The following USP13 variants were observed in gnomAD, a reference collection of about 807,000 sequenced individuals.
The protein encoded by USP13 is ubiquitin carboxyl-terminal hydrolase 13.
In USP13, 68 loss-of-function variants were observed where a neutral mutation model predicts 107.8. The observed-to-expected ratio is 0.63, with a 90% CI of 0.52 to 0.77. The LOEUF (loss-of-function observed/expected upper bound fraction) is 0.77. Among genes scored for constraint, USP13 ranks in the 30% least tolerant of loss-of-function variants. The pLI is 0.00. For synonymous variants in USP13, 377 were observed against 389.5 expected, an observed-to-expected ratio of 0.97 and a Z score of 0.38; for missense variants, 945 against 1,093.3, an observed-to-expected ratio of 0.86 and a Z score of 1.91.
intron 14 of USP13, 120 bp downstream of exon 14, chr3:179,752,493 C>T: frequency 3.9e-6 from 3 of 773,418 alleles, no homozygotes; most frequent in South Asian, 1.6e-5. Context: ...CCATCATTCT[C>T]ACCTTTCTGT....
chr3:179,711,249 C>T (rs1576943807), intron 6 of USP13, among the ~76,000 whole-genome samples: 1 of 152,206 alleles, frequency 6.6e-6, no homozygotes, highest in Middle Eastern at 3.4e-3. Context: ...GACAGAGTCT[C>T]ACTCTGTCAC....
At chr3:179,720,073 G>A in intron 7 of USP13, 39 bp downstream of exon 7, 1 of 1,528,972 alleles carries the variant, frequency 6.5e-7, no homozygotes, top group Non-Finnish European at 9.0e-7. Flanking sequence ...TCTTGCATGG[G>A]GTAGGGGTGG....
intron 20 of USP13, among the ~76,000 whole-genome samples, chr3:179,783,324 C>T (rs1715811869): frequency 6.6e-6 from 1 of 152,060 alleles, no homozygotes; most frequent in Non-Finnish European, 1.5e-5. Context: ...ATATATATGT[C>T]TATATGCACA....
At chr3:179,732,545 GAA>G (rs1256543709) in intron 10 of USP13, among the ~76,000 whole-genome samples, 1 of 152,154 alleles carries the variant, frequency 6.6e-6, no homozygotes, top group Non-Finnish European at 1.5e-5. Flanking sequence ...TCAAGTGGCA[GAA>G]TTGATCTAGG....
chr3:179,667,338 C>T (rs576026602), intron 1 of USP13, among the ~76,000 whole-genome samples: 17 of 152,242 alleles, frequency 1.1e-4, no homozygotes, highest in African/African-American at 3.1e-4. Context: ...ATGGGTTAGC[C>T]TGGAAATTCA....
intron 3 of USP13, among the ~76,000 whole-genome samples, chr3:179,699,166 G>A (rs954129656): frequency 6.6e-6 from 1 of 151,976 alleles, no homozygotes; most frequent in African/African-American, 2.4e-5. Flanking sequence ...ATGCCTGGCC[G>A]GGTTGAATAC....
In USP13 at chr3:179,786,554, G is replaced by A. The variant is rs1257254333; in HGVS notation, c.*2413G>A. The A allele has an allele frequency of 2.0e-5, 3 of 153,230 alleles. No homozygotes were observed. Among genetic ancestry groups the A allele is most frequent in the Non-Finnish European group, 4.4e-5 (3 of 68,724 alleles). The allele number at this position is 153,230 out of a possible 1,614,324, so 9.5% of individuals were successfully genotyped here. On this transcript the variant is annotated 3_prime_UTR_variant, in exon 21 of 21. Transcript: ENST00000263966. Reference sequence around the variant, plus strand: ...CAAAGGGCTATTTCTACAAGGCAAAGTTTTGTATATGTGCTATTCTTTACT... The same window carrying A: ...CAAAGGGCTATTTCTACAAGGCAAAATTTTGTATATGTGCTATTCTTTACT...
intron 8 of USP13, among the ~76,000 whole-genome samples, chr3:179,727,602 A>G (rs1192714533): frequency 9.3e-6 from 1 of 107,036 alleles, no homozygotes; most frequent in African/African-American, 3.2e-5. Flanking sequence ...CGATTTCTCA[A>G]TCTTTTCCCC....
intron 4 of USP13, 78 bp downstream of exon 4, chr3:179,701,207 G>A (rs1306073949): frequency 1.4e-6 from 2 of 1,424,418 alleles, no homozygotes. Context: ...ATGTGTGTGT[G>A]CGGGGGTGGG....
At chr3:179,756,185 G>A (rs949967111) in intron 15 of USP13, among the ~76,000 whole-genome samples, 1 of 152,182 alleles carries the variant, frequency 6.6e-6, no homozygotes, top group African/African-American at 2.4e-5. Context: ...AGCACTTGGG[G>A]AGGCCAAGGC....
intron 3 of USP13, among the ~76,000 whole-genome samples, chr3:179,693,751 G>T (rs1213106249): frequency 2.6e-5 from 4 of 152,076 alleles, no homozygotes; most frequent in Admixed American, 6.5e-5. Context: ...TCGGCTCACT[G>T]CAATATCCGC....
chr3:179,784,215 A>G lies in USP13; in HGVS notation c.*74A>G. 1.6e-6 allele frequency: 2 copies of G among 1,215,316 alleles called. No individual in the cohort carries two copies. The highest frequency in any genetic ancestry group is 2.1e-4 in the Middle Eastern group (1 of 4,828). 75.3% of individuals were successfully genotyped at this position (1,215,316 alleles called of 1,614,324 possible). A position where few individuals can be genotyped will look rare whatever the true frequency, so the allele number is the denominator to read the frequency against. On this transcript the variant is annotated 3_prime_UTR_variant, in exon 21 of 21. Transcript: ENST00000263966. ...TGCCAAAAAAAAAAAGAAGAAGAAG[A>G]AGTTGAAACAACTAGACATGAAGGA...
intron 19 of USP13, among the ~76,000 whole-genome samples, chr3:179,773,707 C>T (rs2108547504): frequency 6.6e-6 from 1 of 152,212 alleles, no homozygotes; most frequent in South Asian, 2.1e-4. Flanking sequence ...TATTTAAAGA[C>T]AATTTCAAAA....
At chr3:179,722,319 G>C (rs35593662) in intron 8 of USP13, among the ~76,000 whole-genome samples, 58,971 of 151,988 alleles carry the variant, frequency 0.39, 13,940 homozygotes, top group Non-Finnish European at 0.51. Flanking sequence ...GCTACTTACA[G>C]TGTGGTTCAT....
intron 3 of USP13, among the ~76,000 whole-genome samples, chr3:179,692,125 A>G (rs1443621796): frequency 6.6e-6 from 1 of 152,202 alleles, no homozygotes; most frequent in Non-Finnish European, 1.5e-5. Context: ...ACATGTGTAC[A>G]TATATAACTG....
Position 179,653,698 on chromosome 3 carries a change from G to A in USP13, c.168+305G>A, listed in dbSNP as rs561970547. Reference sequence around the variant, plus strand: ...ATGAAATACAAGAGTTCCCTGTTCCGAACTGCACGTTGCAGATCGTTTGCG... The same window carrying A: ...ATGAAATACAAGAGTTCCCTGTTCCAAACTGCACGTTGCAGATCGTTTGCG... On this transcript the variant is annotated intron_variant, in intron 1 of 20. Coordinates refer to ENST00000263966, the MANE Select transcript of USP13 (RefSeq NM_003940.3). The surrounding 1 kb of genome is among the most constrained non-coding windows in gnomAD (Gnocchi z 4.0). 7 of 324,214 alleles carry A rather than the reference G, an allele frequency of 2.2e-5. No individual in the cohort carries two copies. The highest frequency in any genetic ancestry group is 4.4e-5 in the African/African-American group (2 of 45,756). 20.1% of individuals were successfully genotyped at this position (324,214 alleles called of 1,614,324 possible).
rs368347151 is a variant in USP13 at position 179,720,033 on chromosome 3, G to C, written c.899G>C (p.Gly300Ala). The C allele has an allele frequency of 5.0e-6, 8 of 1,613,038 alleles. No homozygotes were observed. The highest frequency in any genetic ancestry group is 1.3e-5 in the African/African-American group (1 of 74,896). ...GGAATTGATATGCTTCATATGCATG[G>C]GGTGAGGTCTCCTTTTGTTTCTGTT... Reference protein sequence around the residue: ...HFGIDMLHMHGTENGLQDNDI... With the variant: ...HFGIDMLHMHATENGLQDNDI... The change falls in exon 7 of 21, where the codon GGG becomes GCG. Residue 300 changes from glycine (G) to alanine (A), a missense_variant and splice_region_variant. Transcript: ENST00000263966.
chr3:179,676,601 G>T (rs1382713704), intron 1 of USP13, among the ~76,000 whole-genome samples: 4 of 152,138 alleles, frequency 2.6e-5, no homozygotes, highest in Non-Finnish European at 5.9e-5. Context: ...AGAGGCCATC[G>T]GGTGCTGACT....
chr3:179,761,085 A>T (rs778420437), intron 16 of USP13, 27 bp from the exon 17 acceptor site: 3 of 1,613,580 alleles, frequency 1.9e-6, no homozygotes, highest in Non-Finnish European at 2.5e-6. Flanking sequence ...CCTCTTTCAC[A>T]CTAGAATATC....
Sources: allele counts gnomAD v4.1 joint callset (sites outside exome capture counted in the v4.1 genomes callset), GRCh38; gene constraint gnomAD v4.1.1; non-coding constraint Gnocchi (gnomAD v3.1); transcripts MANE v1.5; gene names NCBI Gene and HGNC (gene_info 2026-07-23, HGNC 2026-07-21).